The following PTPRB variants were observed in gnomAD, a reference collection of about 807,000 sequenced individuals.
PTPRB encodes protein tyrosine phosphatase receptor type B.
In PTPRB, 97 loss-of-function variants were observed where a neutral mutation model predicts 238.1. The ratio of observed to expected loss-of-function variants is 0.41; its 90% CI spans 0.35 to 0.48. PTPRB has a LOEUF of 0.48. Ranked by LOEUF, PTPRB falls within the 20% of genes least tolerant of loss-of-function variation. PTPRB has a pLI of 0.30. For missense variants in PTPRB, 2,292 were observed against 2,681.9 expected, an observed-to-expected ratio of 0.85 and a Z score of 3.21; for synonymous variants, 970 against 995.4, an observed-to-expected ratio of 0.97 and a Z score of 0.48.
intron 22 of PTPRB, chr12:70,541,817 A>G (rs1875169082): frequency 6.6e-6 from 1 of 152,232 alleles, no homozygotes; most frequent in Admixed American, 6.5e-5. Flanking sequence ...ATGGTTGAAT[A>G]ATCGTCCATT....
rs748086531 is a variant in PTPRB, at chr12:70,560,734, C to A, written c.4369G>T (p.Val1457Leu). The A allele has an allele frequency of 1.9e-6, 3 of 1,613,874 alleles. No individual in the cohort carries two copies. Among genetic ancestry groups the A allele is most frequent in the Non-Finnish European group, 2.5e-6 (3 of 1,179,898 alleles). ...CCACTGTGAGTTACCACCCACAGCA[C>A]GTACTTCCTTCCAGGAACAAGGCCT... is the stretch of plus-strand genomic sequence containing the variant. ...FQGLVPGRKY[V>L]LWVVTHSGDL... Residue 1457 changes from valine (V) to leucine (L), a missense_variant, in exon 17 of 34, where the codon GTG becomes TTG. Val to Leu is a conservative substitution (Grantham distance 32, BLOSUM62 1). This residue lies in a region of PTPRB where 683 missense variants were observed against 862.0 expected (regional missense o/e 0.79). Coordinates refer to ENST00000334414, the MANE Select transcript of PTPRB (RefSeq NM_001109754.4). The surrounding 1 kb of genome is among the most constrained non-coding windows in gnomAD (Gnocchi z 4.2).
chr12:70,612,077 C>G (rs1884480511), intron 3 of PTPRB, among the ~76,000 whole-genome samples: 1 of 147,634 alleles, frequency 6.8e-6, no homozygotes, highest in South Asian at 2.1e-4. Context: ...GGAATAATAC[C>G]TACTCTAAAT....
chr12:70,632,473 G>A (rs1885499619), intron 2 of PTPRB, among the ~76,000 whole-genome samples: 1 of 151,866 alleles, frequency 6.6e-6, no homozygotes, highest in South Asian at 2.1e-4. Context: ...GAAATGCCTA[G>A]TGTAAATGAC....
chr12:70,539,442 C>T (rs1314955176), intron 26 of PTPRB, 183 bp downstream of exon 26: 1 of 596,026 alleles, frequency 1.7e-6, no homozygotes, highest in African/African-American at 1.9e-5. Flanking sequence ...TCAAGCTGGC[C>T]TCTAAGATTA....
intron 18 of PTPRB, among the ~76,000 whole-genome samples, chr12:70,556,832 G>A (rs1877757890): frequency 6.6e-6 from 1 of 152,204 alleles, no homozygotes; most frequent in Non-Finnish European, 1.5e-5. Flanking sequence ...CTGAAGCCAT[G>A]CAAACAAAAA....
chr12:70,521,345 A>G lies in PTPRB; in HGVS notation c.*144T>C, dbSNP rs1871628375. 1.9e-6 allele frequency: 1 copy of G among 520,936 alleles called. No individual in the cohort carries two copies. 32.3% of individuals were successfully genotyped at this position (520,936 alleles called of 1,614,324 possible). ...ATAATATCTGTTACCTTTAAATTATATAAAATTTTAAACATTCTCCAGATT... is the reference window on the plus strand; with the variant it reads ...ATAATATCTGTTACCTTTAAATTATGTAAAATTTTAAACATTCTCCAGATT... On this transcript the variant is annotated 3_prime_UTR_variant, in exon 34 of 34. Transcript: ENST00000334414.
intron 29 of PTPRB, among the ~76,000 whole-genome samples, chr12:70,535,373 T>C (rs1873967902): frequency 6.6e-6 from 1 of 152,064 alleles, no homozygotes; most frequent in Admixed American, 6.6e-5. Flanking sequence ...TCTTCGTTCA[T>C]ATTTTTATGT....
intron 32 of PTPRB, among the ~76,000 whole-genome samples, chr12:70,529,869 A>T (rs1363599231): frequency 6.6e-6 from 1 of 152,150 alleles, no homozygotes; most frequent in African/African-American, 2.4e-5. Flanking sequence ...CATGCAACAG[A>T]AAGCCCTCAG....
At chr12:70,547,457 G>C (rs1475145565) in intron 21 of PTPRB, among the ~76,000 whole-genome samples, 2 of 151,542 alleles carry the variant, frequency 1.3e-5, no homozygotes, top group Non-Finnish European at 2.9e-5. Flanking sequence ...GTGTCTCTCT[G>C]ATAAGAGTTT....
At position 70,517,533 on chromosome 12, in the gene PTPRB, A is replaced by G. The variant is rs1365475498; in HGVS notation, c.*3956T>C. 45 of 152,212 alleles carry G rather than the reference A, an allele frequency of 3.0e-4. 1 individual carries two copies. The allele number at this position is 152,212 out of a possible 1,614,324, so 9.4% of individuals were successfully genotyped here. On this transcript the variant is annotated 3_prime_UTR_variant, in exon 34 of 34. Transcript: ENST00000334414. ...ACGGCATTTTCTCCTTCAACTCTTC[A>G]GGAATGAGGTAGGCTTGAGGGCTTG...
intron 9 of PTPRB, 37 bp downstream of exon 9, chr12:70,586,970 G>A: frequency 6.3e-7 from 1 of 1,574,804 alleles, no homozygotes; most frequent in Non-Finnish European, 8.7e-7. Flanking sequence ...TCAGCAGACA[G>A]AACACTTTAA....
intron 16 of PTPRB, among the ~76,000 whole-genome samples, chr12:70,562,153 G>A (rs77672882): frequency 0.017 from 2,624 of 152,134 alleles, 38 homozygotes; most frequent in Non-Finnish European, 0.024. Context: ...GCATGGTGTC[G>A]TGTGCCTGTA....
chr12:70,527,995 A>AAAGT (rs754231233), intron 32 of PTPRB, among the ~76,000 whole-genome samples: 1 of 152,200 alleles, frequency 6.6e-6, no homozygotes, highest in Non-Finnish European at 1.5e-5. Context: ...TTTGCCATTA[A>AAAGT]AAGTAATGCA....
At chr12:70,553,510 G>T (rs1459892273) in intron 20 of PTPRB, among the ~76,000 whole-genome samples, 2 of 152,174 alleles carry the variant, frequency 1.3e-5, no homozygotes, top group African/African-American at 4.8e-5. Context: ...TTTGATTATT[G>T]CTCTGCATGT....
In PTPRB at chr12:70,560,608, C is replaced by G; in HGVS notation, c.4432+63G>C. 3 of 1,587,128 alleles carry G rather than the reference C, an allele frequency of 1.9e-6. No homozygotes were observed. In the East Asian group the frequency reaches 6.7e-5, roughly 36 times the overall value. On this transcript the variant is annotated intron_variant, in intron 17 of 33. Coordinates refer to ENST00000334414, the MANE Select transcript of PTPRB (RefSeq NM_001109754.4). The surrounding 1 kb of genome is among the most constrained non-coding windows in gnomAD (Gnocchi z 4.2). Reference sequence around the variant, plus strand: ...TATCTCTTGTCATTAAAATCAGAATCAAAATGTGTCTCTGGAAGCTACTTC... The same window carrying G: ...TATCTCTTGTCATTAAAATCAGAATGAAAATGTGTCTCTGGAAGCTACTTC...
At chr12:70,537,300 AAAAAAAAAG>A (rs1333648311) in intron 28 of PTPRB, among the ~76,000 whole-genome samples, 23 of 151,616 alleles carry the variant, frequency 1.5e-4, no homozygotes, top group Admixed American at 7.9e-4. Context: ...AAAAAAAAAA[AAAAAAAAAG>A]AAAGAAATAC....
chr12:70,575,036 T>C (rs1880528039), intron 11 of PTPRB, among the ~76,000 whole-genome samples: 1 of 152,220 alleles, frequency 6.6e-6, no homozygotes, highest in South Asian at 2.1e-4. Flanking sequence ...ATAAGACTGC[T>C]TTGTAAATAG....
chr12:70,524,108 C>T (rs899895168), intron 33 of PTPRB, among the ~76,000 whole-genome samples: 1 of 151,306 alleles, frequency 6.6e-6, no homozygotes, highest in African/African-American at 2.4e-5. Context: ...AGAATCTTTT[C>T]TTTCTTTCTT....
At chr12:70,609,754 CA>C in intron 3 of PTPRB, 1 of 1,576,090 alleles carries the variant, frequency 6.3e-7, no homozygotes, top group Non-Finnish European at 8.6e-7. Flanking sequence ...CTTCTCGGGC[CA>C]CTCACCTGCA....
Sources: allele counts gnomAD v4.1 joint callset (sites outside exome capture counted in the v4.1 genomes callset), GRCh38; gene constraint gnomAD v4.1.1; regional missense constraint gnomAD v4.1.1; non-coding constraint Gnocchi (gnomAD v3.1); transcripts MANE v1.5; gene names NCBI Gene and HGNC (gene_info 2026-07-23, HGNC 2026-07-21).